CDK13: variants seen among roughly 807,000 people sequenced by gnomAD.
CDK13 encodes the protein cyclin-dependent kinase 13.
In CDK13, 40 loss-of-function variants were observed where a neutral mutation model predicts 137.6. The observed-to-expected ratio is 0.29, with a 90% CI of 0.23 to 0.38. The LOEUF is 0.38. CDK13 is among the 10% of genes least tolerant of loss of function. The pLI, the probability that CDK13 is intolerant of heterozygous loss-of-function variation, is 1.00. For missense variants in CDK13, 1,704 were observed against 1,951.8 expected (o/e 0.87, Z 2.39); for synonymous variants, 869 against 760.1 (o/e 1.14, Z -2.36).
chr7:40,025,113 C>T (rs1372416516), intron 5 of CDK13, among the ~76,000 whole-genome samples: 1 of 152,146 alleles, frequency 6.6e-6, no homozygotes, highest in Admixed American at 6.5e-5. Context: ...CTCCTGATCC[C>T]TATCAGCCTG....
At chr7:40,074,836 C>A (rs77675293) in intron 9 of CDK13, among the ~76,000 whole-genome samples, 16,526 of 146,538 alleles carry the variant, frequency 0.11, 2,805 homozygotes, top group African/African-American at 0.37. Flanking sequence ...AAAAAAAAAA[C>A]AAAATATTTA....
intron 1 of CDK13, among the ~76,000 whole-genome samples, chr7:39,954,312 A>T (rs1787336787): frequency 6.6e-6 from 1 of 152,214 alleles, no homozygotes; most frequent in Admixed American, 6.5e-5. Flanking sequence ...TTTAAAATAT[A>T]ATAAGTGTAT....
chr7:40,053,156 G>A (rs1303378903), intron 7 of CDK13, among the ~76,000 whole-genome samples: 1 of 152,060 alleles, frequency 6.6e-6, no homozygotes, highest in African/African-American at 2.4e-5. Flanking sequence ...TCTGTTGGGG[G>A]TATATCATCC....
chr7:39,966,457 C>A (rs4481477), intron 1 of CDK13, among the ~76,000 whole-genome samples: 46,935 of 152,142 alleles, frequency 0.31, 7,815 homozygotes, highest in Middle Eastern at 0.47. Flanking sequence ...TTTTCAGCTC[C>A]ATCAGGTCCT....
chr7:39,961,484 ACATC>A (rs757649919), intron 1 of CDK13, among the ~76,000 whole-genome samples: 14 of 152,114 alleles, frequency 9.2e-5, no homozygotes, highest in Admixed American at 2.0e-4. Flanking sequence ...CTTTTGATCA[ACATC>A]TCCCTTTCCC....
chr7:40,068,409 T>C (rs1786330899), intron 9 of CDK13, among the ~76,000 whole-genome samples: 2 of 150,882 alleles, frequency 1.3e-5, no homozygotes, highest in Admixed American at 1.3e-4. Context: ...AAGAAGGAAA[T>C]AGTTGGTCAG....
In CDK13 at chr7:40,092,790, A is replaced by G; in HGVS notation, c.3241A>G (p.Thr1081Ala). 1 of 1,610,112 alleles carries G rather than the reference A, an allele frequency of 6.2e-7. No homozygotes were observed. The highest frequency in any genetic ancestry group is 8.5e-7 in the Non-Finnish European group (1 of 1,178,276). ...TAATATAATTTTGTCTTTAGTAAAAACAGGCCCTGGACAGCACTTAAACCA... is the reference window on the plus strand; with the variant it reads ...TAATATAATTTTGTCTTTAGTAAAAGCAGGCCCTGGACAGCACTTAAACCA... Reference protein sequence around the residue: ...QGSSNVAPVKTGPGQHLNHSE... With the variant: ...QGSSNVAPVKAGPGQHLNHSE... Residue 1081 changes from threonine to alanine, a missense_variant, in exon 13 of 14, where the codon ACA becomes GCA. Physicochemically the swap from Thr to Ala is moderately conservative, Grantham distance 58 (BLOSUM62 0). Coordinates refer to ENST00000181839, the MANE Select transcript of CDK13 (RefSeq NM_003718.5).
chr7:39,951,703 G>A lies in CDK13; in HGVS notation c.1062G>A (p.Arg354=), dbSNP rs752676730. ...GTGGCAGCAGCCCCTATTCTCGGCG[G>A]CTGCCGCGCTCCCCGAGCCCCTACA... is the stretch of plus-strand genomic sequence containing the variant. ...AGGGSSPYSR[R]LPRSPSPYSR... is the part of the protein sequence containing the mutation. The change falls in exon 1 of 14, where the codon CGG becomes CGA. Residue 354 remains arginine (R), a synonymous_variant. Coordinates refer to ENST00000181839, the MANE Select transcript of CDK13 (RefSeq NM_003718.5). The A allele has an allele frequency of 1.4e-6, 2 of 1,467,556 alleles. No individual in the cohort carries two copies. Among genetic ancestry groups the A allele is most frequent in the Admixed American group, 2.6e-5 (1 of 39,054 alleles). 90.9% of individuals were successfully genotyped at this position (1,467,556 alleles called of 1,614,324 possible).
intron 5 of CDK13, among the ~76,000 whole-genome samples, chr7:40,032,030 A>G (rs1314852781): frequency 6.6e-6 from 1 of 151,744 alleles, no homozygotes; most frequent in Non-Finnish European, 1.5e-5. Context: ...TTTTCTTAGC[A>G]GTGTCTTTTG....
At position 39,950,586 on chromosome 7, in the gene CDK13, G is replaced by C. The variant is rs1021597124; in HGVS notation, c.-56G>C. The C allele has an allele frequency of 5.4e-6, 7 of 1,287,508 alleles. No homozygotes were observed. The highest frequency in any genetic ancestry group is 3.0e-4 in the Middle Eastern group (1 of 3,356). 79.8% of individuals were successfully genotyped at this position (1,287,508 alleles called of 1,614,324 possible). A position where few individuals can be genotyped will look rare whatever the true frequency, so the allele number is the denominator to read the frequency against. Reference sequence around the variant, plus strand: ...CGTTTCCGGCGGGGGAGATGGCCAGGATCTGACCCGGGAGGAGGCCGCACC... The same window carrying C: ...CGTTTCCGGCGGGGGAGATGGCCAGCATCTGACCCGGGAGGAGGCCGCACC... On this transcript the variant is annotated 5_prime_UTR_variant, in exon 1 of 14. Coordinates refer to ENST00000181839, the MANE Select transcript of CDK13 (RefSeq NM_003718.5).
intron 5 of CDK13, among the ~76,000 whole-genome samples, chr7:40,040,516 G>A (rs1785582610): frequency 2.0e-5 from 3 of 152,024 alleles, no homozygotes; most frequent in Admixed American, 2.0e-4. Context: ...TTTTCTACGT[G>A]GATATACATT....
intron 5 of CDK13, among the ~76,000 whole-genome samples, chr7:40,032,053 T>G (rs965792319): frequency 6.6e-6 from 1 of 151,878 alleles, no homozygotes; most frequent in African/African-American, 2.4e-5. Context: ...GAGCAGAAGT[T>G]GTTCTTCGGT....
intron 5 of CDK13, among the ~76,000 whole-genome samples, chr7:40,029,476 C>T (rs1785317874): frequency 6.6e-6 from 1 of 151,604 alleles, no homozygotes; most frequent in Non-Finnish European, 1.5e-5. Context: ...AATCCCAGCA[C>T]TTTGGGAGGC....
rs1380716720 is a variant in CDK13, at chr7:40,096,290, GT to G, written c.*1311del. 6.6e-6 allele frequency: 1 copy of G among 152,120 alleles called. No individual in the cohort carries two copies. The highest frequency in any genetic ancestry group is 2.4e-5 in the African/African-American group (1 of 41,416). The allele number at this position is 152,120 out of a possible 1,614,324, so 9.4% of individuals were successfully genotyped here. A position where few individuals can be genotyped will look rare whatever the true frequency, so the allele number is the denominator to read the frequency against. On this transcript the variant is annotated 3_prime_UTR_variant, in exon 14 of 14. Coordinates refer to ENST00000181839, the MANE Select transcript of CDK13 (RefSeq NM_003718.5). ...TTTATCTTCCTTCCTGTCACATTCTGTAAAGTTGATTATGACTTCTGCCAGA... is the reference window on the plus strand; with the variant it reads ...TTTATCTTCCTTCCTGTCACATTCTGAAAGTTGATTATGACTTCTGCCAGA...
At chr7:39,956,141 A>C (rs1787401575) in intron 1 of CDK13, among the ~76,000 whole-genome samples, 1 of 152,220 alleles carries the variant, frequency 6.6e-6, no homozygotes, top group Admixed American at 6.5e-5. Flanking sequence ...ATATATACTT[A>C]ATAGAAATAA....
At chr7:40,023,558 G>T (rs185279649) in intron 5 of CDK13, among the ~76,000 whole-genome samples, 3 of 151,158 alleles carry the variant, frequency 2.0e-5, no homozygotes, top group African/African-American at 4.9e-5. Context: ...GGAGTGCAGT[G>T]GCATGATCTC....
rs1445954318 is a variant in CDK13, at chr7:40,078,917, T to C, written c.3029+66T>C. The C allele has an allele frequency of 7.3e-6, 4 of 548,396 alleles. No homozygotes were observed. In the African/African-American group the frequency reaches 8.3e-5, roughly 11 times the overall value. The allele number at this position is 548,396 out of a possible 1,614,324, so 34.0% of individuals were successfully genotyped here. On this transcript the variant is annotated intron_variant, in intron 11 of 13. Coordinates refer to ENST00000181839, the MANE Select transcript of CDK13 (RefSeq NM_003718.5). ...TATATTTATTATATTAAAACAGTTT[T>C]AATAACATATATAATAAGATATTTC...
chr7:39,950,319 A>C lies in CDK13; in HGVS notation c.-323A>C. The C allele has an allele frequency of 8.1e-6, 9 of 1,113,720 alleles. No individual in the cohort carries two copies. Among genetic ancestry groups the C allele is most frequent in the East Asian group, 4.8e-5 (1 of 20,682 alleles). The allele number at this position is 1,113,720 out of a possible 1,614,324, so 69.0% of individuals were successfully genotyped here. The stretch of plus-strand genomic sequence containing the variant: ...AGGCCGCTCCCCCACCCCCGGGGGC[A>C]CTTGGAGGACTCGGGACTCCCCCGC... On this transcript the variant is annotated 5_prime_UTR_variant, in exon 1 of 14. Transcript: ENST00000181839.
At chr7:40,058,525 C>T (rs889070809) in intron 7 of CDK13, among the ~76,000 whole-genome samples, 2 of 128,698 alleles carry the variant, frequency 1.6e-5, no homozygotes, top group African/African-American at 6.0e-5. Flanking sequence ...CAGAGCGAGA[C>T]TCTGTCTCAA....
Sources: allele counts gnomAD v4.1 joint callset (sites outside exome capture counted in the v4.1 genomes callset), GRCh38; gene constraint gnomAD v4.1.1; transcripts MANE v1.5; gene names NCBI Gene and HGNC (gene_info 2026-07-23, HGNC 2026-07-21).